SPTB: variants seen among roughly 807,000 people sequenced by gnomAD.
The protein encoded by SPTB is spectrin beta, erythrocytic, also known as spectrin beta chain, erythrocytic.
In SPTB, 45 loss-of-function variants were observed where a neutral mutation model predicts 256.2. That is an observed-to-expected ratio of 0.18 (90% confidence interval 0.14 to 0.23). The LOEUF (loss-of-function observed/expected upper bound fraction) is 0.23, where lower values mean the gene tolerates loss of function less well. Ranked by LOEUF, SPTB falls within the 10% of genes least tolerant of loss-of-function variation. The probability of loss-of-function intolerance (pLI) is 1.00; values close to 1 mark genes in which losing one functional copy is unlikely to be tolerated. For missense variants in SPTB, 2,715 were observed against 3,040.4 expected (o/e 0.89, Z 2.52); for synonymous variants, 1,231 against 1,243.1 (o/e 0.99, Z 0.21).
chr14:64,792,532 A>G lies in SPTB; in HGVS notation c.2666+465T>C, dbSNP rs1006712003. Among the ~76,000 whole-genome samples the G allele has an allele frequency of 1.3e-5, 2 of 152,162 alleles. No homozygotes were observed. The highest frequency in any genetic ancestry group is 4.8e-5 in the African/African-American group (2 of 41,432). On this transcript the variant is annotated intron_variant, in intron 14 of 35. Coordinates refer to ENST00000644917, the MANE Select transcript of SPTB (RefSeq NM_001355436.2). This position sits in a 1 kb window ranked among gnomAD's most constrained non-coding sequence, Gnocchi z 4.2. ...CATCATCTGGGGTGCTGACAAAATC[A>G]GAACACCAGGGGTGAGAGTGGCCTT...
intron 33 of SPTB, chr14:64,752,392 AC>A: frequency 1.7e-6 from 1 of 598,714 alleles, no homozygotes; most frequent in African/African-American, 2.0e-5. Context: ...AGAGAAACTG[AC>A]CCATACAAAG....
intron 2 of SPTB, 117 bp downstream of exon 2, chr14:64,822,830 C>T (rs897335748): frequency 1.6e-5 from 23 of 1,481,490 alleles, no homozygotes; most frequent in Non-Finnish European, 2.1e-5. Context: ...AACACGTCTC[C>T]ATCACTGCCA....
rs1047038677 is a variant in SPTB, at chr14:64,816,560, C to T, written c.148+6387G>A. ...TTCATAGCAAATTTGTCATAATTTGCTATGCACGTGTGTCTATGCACATAG... is the reference window on the plus strand; with the variant it reads ...TTCATAGCAAATTTGTCATAATTTGTTATGCACGTGTGTCTATGCACATAG... On this transcript the variant is annotated intron_variant, in intron 2 of 35. Transcript: ENST00000644917. This position sits in a 1 kb window ranked among gnomAD's most constrained non-coding sequence, Gnocchi z 4.2. 7.9e-5 allele frequency among the ~76,000 whole-genome samples: 12 copies of T among 152,276 alleles called. No individual in the cohort carries two copies. Among genetic ancestry groups the T allele is most frequent in the Admixed American group, 3.9e-4 (6 of 15,288 alleles).
At chr14:64,821,757 G>A (rs1287979937) in intron 2 of SPTB, among the ~76,000 whole-genome samples, 4 of 152,178 alleles carry the variant, frequency 2.6e-5, no homozygotes, top group African/African-American at 9.7e-5. Flanking sequence ...GACACCAGGG[G>A]TAATGACTGA....
At chr14:64,801,917 C>T in intron 5 of SPTB, 83 bp from the exon 6 acceptor site, 1 of 1,349,990 alleles carries the variant, frequency 7.4e-7, no homozygotes, top group Non-Finnish European at 1.1e-6. Context: ...GCCAATATAC[C>T]AGGAGAGAAA....
Position 64,780,454 on chromosome 14 carries a change from C to T in SPTB, c.4267-523G>A, listed in dbSNP as rs190746275. ...TTGAGATGGAGTTTTGCTCTTGTTG[C>T]CCAGGCTGGAGTGCAATGGTGCAAT... On this transcript the variant is annotated intron_variant, in intron 20 of 35. Coordinates refer to ENST00000644917, the MANE Select transcript of SPTB (RefSeq NM_001355436.2). Among the ~76,000 whole-genome samples, 1,117 of 152,254 alleles carry T rather than the reference C, an allele frequency of 7.3e-3. 5 individuals are homozygous for T. The highest frequency in any genetic ancestry group is 0.012 in the Non-Finnish European group (827 of 68,022).
chr14:64,796,425 G>T lies in SPTB; in HGVS notation c.1341+132C>A. On this transcript the variant is annotated intron_variant, in intron 11 of 35. Coordinates refer to ENST00000644917, the MANE Select transcript of SPTB (RefSeq NM_001355436.2). This position sits in a 1 kb window ranked among gnomAD's most constrained non-coding sequence, Gnocchi z 4.1. The stretch of plus-strand genomic sequence containing the variant: ...CCCAGATGCAAATCTTGATCCACTG[G>T]ATCACGGGGGAGCTGTGCTGCAAGG... The T allele has an allele frequency of 8.4e-7, 1 of 1,188,486 alleles. No individual in the cohort carries two copies. The highest frequency in any genetic ancestry group is 1.2e-6 in the Non-Finnish European group (1 of 811,586). The allele number at this position is 1,188,486 out of a possible 1,614,324, so 73.6% of individuals were successfully genotyped here.
chr14:64,801,515 G>C (rs2082885627), intron 6 of SPTB, 115 bp from the exon 7 acceptor site: 3 of 867,842 alleles, frequency 3.5e-6, no homozygotes, highest in Non-Finnish European at 5.7e-6. Flanking sequence ...GGCAGGAGGA[G>C]TGAAAGGAGG....
At chr14:64,811,572 G>C (rs2083091537) in intron 2 of SPTB, among the ~76,000 whole-genome samples, 1 of 152,164 alleles carries the variant, frequency 6.6e-6, no homozygotes, top group South Asian at 2.1e-4. Flanking sequence ...ATACATACTA[G>C]AGTAATTAGG....
chr14:64,871,966 C>T (rs1026847681), intron 1 of SPTB, among the ~76,000 whole-genome samples: 1 of 152,198 alleles, frequency 6.6e-6, no homozygotes, highest in Non-Finnish European at 1.5e-5. Flanking sequence ...ATCTCCATCA[C>T]ATAGTATAAA....
In SPTB at chr14:64,826,885, G is replaced by T. The variant is rs2083384860; in HGVS notation, c.-51-3740C>A. Among the ~76,000 whole-genome samples the T allele has an allele frequency of 6.6e-6, 1 of 152,134 alleles. No homozygotes were observed. The highest frequency in any genetic ancestry group is 1.5e-5 in the Non-Finnish European group (1 of 68,012). The stretch of plus-strand genomic sequence containing the variant: ...AGTAGGATGGGACCTGAGAAGGCTT[G>T]CCCACAGCTCAGCACTGAAAACCTC... On this transcript the variant is annotated intron_variant, in intron 1 of 35. Coordinates refer to ENST00000644917, the MANE Select transcript of SPTB (RefSeq NM_001355436.2). The surrounding 1 kb of genome is among the most constrained non-coding windows in gnomAD (Gnocchi z 4.4).
At chr14:64,801,525 G>A (rs1392458030) in intron 6 of SPTB, 125 bp from the exon 7 acceptor site, 1 of 837,656 alleles carries the variant, frequency 1.2e-6, no homozygotes, top group East Asian at 2.6e-5. Context: ...GTGAAAGGAG[G>A]AGATGGGAGC....
chr14:64,873,338 A>G lies in SPTB; in HGVS notation c.-52+6454T>C, dbSNP rs1435104322. Among the ~76,000 whole-genome samples, 1 of 152,212 alleles carries G rather than the reference A, an allele frequency of 6.6e-6. No homozygotes were observed. Among genetic ancestry groups the G allele is most frequent in the Non-Finnish European group, 1.5e-5 (1 of 68,040 alleles). The stretch of plus-strand genomic sequence containing the variant: ...AGCATGTCTGGCAAATTAAATGAGA[A>G]CTCAGTAAATATTTGTTGAAGACTG... On this transcript the variant is annotated intron_variant, in intron 1 of 35. Coordinates refer to ENST00000644917, the MANE Select transcript of SPTB (RefSeq NM_001355436.2). The surrounding 1 kb of genome is among the most constrained non-coding windows in gnomAD (Gnocchi z 4.3).
At chr14:64,752,085 C>G (rs900304938) in intron 33 of SPTB, 7 of 986,976 alleles carry the variant, frequency 7.1e-6, no homozygotes, top group Non-Finnish European at 6.7e-6. Context: ...CAGAGTGAGA[C>G]TCTGTCTAAA....
At position 64,759,279 on chromosome 14, in the gene SPTB, C is replaced by G. The variant is rs752532963; in HGVS notation, c.6346-5486G>C. ...AGGGAGCCAAGTAGCTGGGCAGGGACCCACCCATGACCCCCTGGCTGCGAA... is the reference window on the plus strand; with the variant it reads ...AGGGAGCCAAGTAGCTGGGCAGGGAGCCACCCATGACCCCCTGGCTGCGAA... On this transcript the variant is annotated intron_variant, in intron 32 of 35. Transcript: ENST00000644917. The surrounding 1 kb of genome is among the most constrained non-coding windows in gnomAD (Gnocchi z 4.8). Among the ~76,000 whole-genome samples, 81 of 152,064 alleles carry G rather than the reference C, an allele frequency of 5.3e-4. No individual in the cohort carries two copies. Among genetic ancestry groups the G allele is most frequent in the Non-Finnish European group, 9.1e-4 (62 of 68,006 alleles).
At chr14:64,869,176 G>A (rs1049501655) in intron 1 of SPTB, among the ~76,000 whole-genome samples, 4 of 152,094 alleles carry the variant, frequency 2.6e-5, no homozygotes, top group African/African-American at 7.2e-5. Flanking sequence ...GGGTATTCAT[G>A]GGTAAGTTAA....
At chr14:64,750,659 T>C (rs1478528919) in intron 33 of SPTB, among the ~76,000 whole-genome samples, 4 of 151,776 alleles carry the variant, frequency 2.6e-5, no homozygotes, top group African/African-American at 9.7e-5. Flanking sequence ...GCCTGCAGTC[T>C]CAGCTACTCA....
At chr14:64,774,264 C>A in intron 24 of SPTB, 133 bp downstream of exon 24, 1 of 1,254,430 alleles carries the variant, frequency 8.0e-7, no homozygotes, top group Non-Finnish European at 1.1e-6. Flanking sequence ...ACCAGTCCCG[C>A]AGCAATTTTC....
At chr14:64,877,454 T>C (rs537066285) in intron 1 of SPTB, among the ~76,000 whole-genome samples, 1 of 152,358 alleles carries the variant, frequency 6.6e-6, no homozygotes, top group South Asian at 2.1e-4. Context: ...GTTTGAATCC[T>C]GGACCCATCT....
Sources: gnomAD v4.1 joint callset for allele counts (sites outside exome capture counted in the v4.1 genomes callset) on GRCh38, gnomAD v4.1.1 for gene constraint, Gnocchi (gnomAD v3.1) non-coding constraint, MANE v1.5 for transcripts, NCBI Gene and HGNC (gene_info 2026-07-23, HGNC 2026-07-21) for gene names.